Variants in GALNTL6 observed in about 807,000 individuals in gnomAD.
GALNTL6 encodes polypeptide N-acetylgalactosaminyltransferase-like 6.
In GALNTL6, 46 loss-of-function variants were observed where a neutral mutation model predicts 73.7. The ratio of observed to expected loss-of-function variants is 0.62; its 90% CI spans 0.49 to 0.80. The LOEUF is 0.80. GALNTL6 is among the 30% of genes least tolerant of loss of function. GALNTL6 has a pLI of 0.00. For missense variants in GALNTL6, 604 were observed against 755.0 expected (o/e 0.80, Z 2.34); for synonymous variants, 259 against 263.7 (o/e 0.98, Z 0.17).
intron 5 of GALNTL6, among the ~76,000 whole-genome samples, chr4:172,736,931 C>T (rs1442674026): frequency 6.6e-6 from 1 of 152,118 alleles, no homozygotes; most frequent in African/African-American, 2.4e-5. Context: ...TCTTTCTTAC[C>T]ACTATCTAAG....
At chr4:172,066,448 A>T (rs1731367281) in intron 2 of GALNTL6, among the ~76,000 whole-genome samples, 1 of 151,996 alleles carries the variant, frequency 6.6e-6, no homozygotes, top group Non-Finnish European at 1.5e-5. Context: ...GATAAATCTC[A>T]AAGCAGCTAA....
At chr4:172,807,490 G>A (rs948705937) in intron 5 of GALNTL6, among the ~76,000 whole-genome samples, 1 of 152,174 alleles carries the variant, frequency 6.6e-6, no homozygotes, top group Non-Finnish European at 1.5e-5. Context: ...ATACATAAAA[G>A]TTTGTTGAAT....
At chr4:172,851,787 G>C (rs1743833778) in intron 7 of GALNTL6, among the ~76,000 whole-genome samples, 1 of 152,198 alleles carries the variant, frequency 6.6e-6, no homozygotes, top group Non-Finnish European at 1.5e-5. Flanking sequence ...CATCCAAAGA[G>C]ACTCATCTTG....
chr4:172,904,088 A>G (rs1746758929), intron 8 of GALNTL6, among the ~76,000 whole-genome samples: 1 of 152,188 alleles, frequency 6.6e-6, no homozygotes, highest in African/African-American at 2.4e-5. Flanking sequence ...TTGTAACTGT[A>G]TGTCATCAGT....
At chr4:172,160,709 A>G (rs1019197607) in intron 2 of GALNTL6, among the ~76,000 whole-genome samples, 1 of 151,980 alleles carries the variant, frequency 6.6e-6, no homozygotes, top group African/African-American at 2.4e-5. Flanking sequence ...AACTTCATAT[A>G]TATGTGTATA....
At chr4:172,005,338 G>A (rs1740805915) in intron 2 of GALNTL6, among the ~76,000 whole-genome samples, 1 of 151,934 alleles carries the variant, frequency 6.6e-6, no homozygotes, top group African/African-American at 2.4e-5. Flanking sequence ...CATTGCCCAG[G>A]CTGGCCTCAA....
At chr4:172,032,476 T>A (rs1741797130) in intron 2 of GALNTL6, among the ~76,000 whole-genome samples, 1 of 152,100 alleles carries the variant, frequency 6.6e-6, no homozygotes, top group Non-Finnish European at 1.5e-5. Flanking sequence ...CTGAAGAGAA[T>A]GTTATCATTG....
chr4:172,688,363 A>T (rs1733057609), intron 5 of GALNTL6, among the ~76,000 whole-genome samples: 1 of 152,208 alleles, frequency 6.6e-6, no homozygotes, highest in Non-Finnish European at 1.5e-5. Flanking sequence ...TAAATGTACC[A>T]ATTTATGGTA....
intron 2 of GALNTL6, among the ~76,000 whole-genome samples, chr4:172,146,299 T>G (rs1733926806): frequency 1.3e-5 from 2 of 152,228 alleles, no homozygotes; most frequent in South Asian, 4.1e-4. Flanking sequence ...CAATAAGGAT[T>G]TGACTTTTTC....
At chr4:173,021,719 C>A (rs1454455583) in intron 12 of GALNTL6, 94 bp downstream of exon 12, 1 of 1,306,428 alleles carries the variant, frequency 7.7e-7, no homozygotes, top group Non-Finnish European at 1.1e-6. Flanking sequence ...TTAGGCCTGG[C>A]GCAGTCACTC....
intron 2 of GALNTL6, among the ~76,000 whole-genome samples, chr4:172,156,193 C>T (rs1413095249): frequency 6.6e-6 from 1 of 152,006 alleles, no homozygotes; most frequent in African/African-American, 2.4e-5. Context: ...TACGTAGTAC[C>T]TTGACAGCTT....
intron 2 of GALNTL6, among the ~76,000 whole-genome samples, chr4:172,145,159 A>T (rs1733895589): frequency 6.6e-6 from 1 of 151,708 alleles, no homozygotes; most frequent in Admixed American, 6.6e-5. Flanking sequence ...ATTATTTTTG[A>T]GATGGAGTCT....
chr4:172,555,093 G>A (rs777656072), intron 5 of GALNTL6, among the ~76,000 whole-genome samples: 18 of 152,034 alleles, frequency 1.2e-4, no homozygotes, highest in Non-Finnish European at 2.4e-4. Context: ...ATAGCACATA[G>A]CTTTTAATGT....
intron 2 of GALNTL6, among the ~76,000 whole-genome samples, chr4:172,073,849 C>T (rs1314936073): frequency 6.6e-6 from 1 of 152,144 alleles, no homozygotes; most frequent in African/African-American, 2.4e-5. Flanking sequence ...CTACTGGGGA[C>T]AGGGAGGGAC....
chr4:172,008,342 T>C (rs897916430), intron 2 of GALNTL6, among the ~76,000 whole-genome samples: 1 of 152,146 alleles, frequency 6.6e-6, no homozygotes, highest in Non-Finnish European at 1.5e-5. Flanking sequence ...ATGAGCTAAG[T>C]TGTTCAAGGG....
intron 5 of GALNTL6, among the ~76,000 whole-genome samples, chr4:172,762,269 G>A (rs1174848885): frequency 6.6e-6 from 1 of 152,130 alleles, no homozygotes; most frequent in Admixed American, 6.5e-5. Context: ...GTCAAATACA[G>A]GGGGCTGACA....
intron 8 of GALNTL6, among the ~76,000 whole-genome samples, chr4:172,918,914 A>G (rs1462954379): frequency 6.6e-6 from 1 of 152,228 alleles, no homozygotes; most frequent in Non-Finnish European, 1.5e-5. Flanking sequence ...TGCAAACACC[A>G]TTATAAACCT....
chr4:172,799,766 A>G (rs1399743372), intron 5 of GALNTL6, among the ~76,000 whole-genome samples: 1 of 152,052 alleles, frequency 6.6e-6, no homozygotes, highest in Admixed American at 6.6e-5. Flanking sequence ...ACTTCTGCGT[A>G]TATGCCAAAA....
intron 5 of GALNTL6, among the ~76,000 whole-genome samples, chr4:172,656,709 G>C (rs766321158): frequency 2.6e-5 from 4 of 152,190 alleles, no homozygotes; most frequent in African/African-American, 4.8e-5. Context: ...GATGGCTGAA[G>C]GTCAATCCTG....
Sources: gnomAD v4.1 joint callset for allele counts (sites outside exome capture counted in the v4.1 genomes callset) on GRCh38, gnomAD v4.1.1 for gene constraint, MANE v1.5 for transcripts, NCBI Gene and HGNC (gene_info 2026-07-23, HGNC 2026-07-21) for gene names.